The following TRAPPC9 variants were observed in gnomAD, a reference collection of about 807,000 sequenced individuals.
The protein encoded by TRAPPC9 is trafficking protein particle complex subunit 9.
A neutral mutation model predicts 124.0 loss-of-function variants in TRAPPC9; 83 were observed. That is an observed-to-expected ratio of 0.67 (90% CI 0.56 to 0.80). The LOEUF (loss-of-function observed/expected upper bound fraction) is 0.80, where lower values mean the gene tolerates loss of function less well. Among genes scored for constraint, TRAPPC9 ranks in the 30% least tolerant of loss-of-function variants. The pLI is 0.00. For synonymous variants in TRAPPC9, 638 were observed against 617.5 expected, an observed-to-expected ratio of 1.03 and a Z score of -0.49; for missense variants, 1,302 against 1,508.3, an observed-to-expected ratio of 0.86 and a Z score of 2.27.
chr8:140,408,260 A>C (rs1197910113), intron 5 of TRAPPC9, among the ~76,000 whole-genome samples: 1 of 152,170 alleles, frequency 6.6e-6, no homozygotes, highest in Non-Finnish European at 1.5e-5. Flanking sequence ...AGACAAAGAA[A>C]GAGCATGGAT....
In TRAPPC9 at chr8:140,405,587, T is replaced by A; in HGVS notation, c.998A>T (p.Tyr333Phe). The A allele has an allele frequency of 6.2e-7, 1 of 1,614,152 alleles. No homozygotes were observed. The change falls in exon 6 of 23, where the codon TAT becomes TTT. Residue 333 changes from tyrosine to phenylalanine, a missense_variant. Tyr to Phe is a conservative substitution (Grantham distance 22). Around this residue, in one of 3 missense-constraint regions of TRAPPC9, gnomAD observed 657 missense variants for 811.2 expected, o/e 0.81. Coordinates refer to ENST00000438773, the MANE Select transcript of TRAPPC9 (RefSeq NM_001160372.4). ...IIDKYKEAIS[Y>F]YSKYKNAGVI... ...AAGCCATAAAATCACCTTGCTGTAA[T>A]AGGAAATCGCCTCTTTATACTTGTC...
At chr8:140,169,910 G>A (rs751537574) in intron 17 of TRAPPC9, among the ~76,000 whole-genome samples, 1 of 152,024 alleles carries the variant, frequency 6.6e-6, no homozygotes, top group Non-Finnish European at 1.5e-5. Flanking sequence ...GCTAGTTTCT[G>A]CATTTTCTGT....
At chr8:140,199,004 C>T (rs1422732450) in intron 17 of TRAPPC9, among the ~76,000 whole-genome samples, 1 of 152,190 alleles carries the variant, frequency 6.6e-6, no homozygotes. Context: ...ACACCCGGCA[C>T]AGGGCAAGCG....
At chr8:139,970,485 G>A (rs1002293393) in intron 19 of TRAPPC9, among the ~76,000 whole-genome samples, 1 of 152,182 alleles carries the variant, frequency 6.6e-6, no homozygotes, top group African/African-American at 2.4e-5. Flanking sequence ...TGGGAGAAGC[G>A]GGAGCCAGTA....
At chr8:140,125,584 A>ATTTTTTTTTTTT (rs1442863537) in intron 17 of TRAPPC9, among the ~76,000 whole-genome samples, 1 of 108,230 alleles carries the variant, frequency 9.2e-6, no homozygotes, top group African/African-American at 3.9e-5. Context: ...ATCGAATCTC[A>ATTTTTTTTTTTT]TTCTTTTTTT....
chr8:140,002,677 T>C (rs1416802238), intron 18 of TRAPPC9, among the ~76,000 whole-genome samples: 2 of 152,004 alleles, frequency 1.3e-5, no homozygotes, highest in Admixed American at 6.5e-5. Context: ...CAGGACAGCG[T>C]TGTACTGGTG....
At chr8:140,014,437 AAATAAT>A (rs936004259) in intron 18 of TRAPPC9, among the ~76,000 whole-genome samples, 2 of 152,026 alleles carry the variant, frequency 1.3e-5, no homozygotes, top group East Asian at 3.9e-4. Context: ...AGAACAGTAA[AAATAAT>A]AATAATAATA....
chr8:140,244,848 C>G (rs1037262612), intron 16 of TRAPPC9, among the ~76,000 whole-genome samples: 1 of 135,438 alleles, frequency 7.4e-6, no homozygotes, highest in Non-Finnish European at 1.5e-5. Flanking sequence ...CGCTCTGACA[C>G]CAGGCTGGAG....
At chr8:140,202,268 T>C (rs1006104508) in intron 17 of TRAPPC9, among the ~76,000 whole-genome samples, 5 of 151,674 alleles carry the variant, frequency 3.3e-5, no homozygotes, top group Admixed American at 1.3e-4. Flanking sequence ...TTATGACAAG[T>C]GAACAAACAG....
At chr8:139,824,617 G>A (rs1825493591) in intron 21 of TRAPPC9, among the ~76,000 whole-genome samples, 1 of 152,152 alleles carries the variant, frequency 6.6e-6, no homozygotes, top group Non-Finnish European at 1.5e-5. Context: ...CTGGAGTGCA[G>A]TGGTGTGATC....
At chr8:139,974,097 G>C (rs574682825) in intron 19 of TRAPPC9, among the ~76,000 whole-genome samples, 113 of 152,276 alleles carry the variant, frequency 7.4e-4, no homozygotes, top group Non-Finnish European at 1.2e-3. Context: ...GTGAGGAAAG[G>C]AGTTTGAGAT....
intron 21 of TRAPPC9, among the ~76,000 whole-genome samples, chr8:139,833,522 G>GC (rs1446549774): frequency 2.0e-5 from 3 of 152,230 alleles, no homozygotes; most frequent in Non-Finnish European, 4.4e-5. Context: ...GCTGACTTCA[G>GC]AGGTTGGCAG....
At chr8:140,173,560 A>C (rs1438699228) in intron 17 of TRAPPC9, among the ~76,000 whole-genome samples, 5 of 151,856 alleles carry the variant, frequency 3.3e-5, no homozygotes, top group Non-Finnish European at 5.9e-5. Context: ...TCTCAAAAAA[A>C]AAAAAAAAAA....
At chr8:140,452,208 C>G (rs2132712466) in intron 1 of TRAPPC9, among the ~76,000 whole-genome samples, 1 of 151,398 alleles carries the variant, frequency 6.6e-6, no homozygotes, top group Non-Finnish European at 1.5e-5. Context: ...ATCACAAGGT[C>G]AGAAGATCGA....
In TRAPPC9 at chr8:140,031,002, G is replaced by A. The variant is rs112872927; in HGVS notation, c.2557-6923C>T. 1.3e-4 allele frequency among the ~76,000 whole-genome samples: 20 copies of A among 152,286 alleles called. 1 individual carries two copies. The highest frequency in any genetic ancestry group is 4.8e-4 in the African/African-American group (20 of 41,556). On this transcript the variant is annotated intron_variant, in intron 17 of 22. Coordinates refer to ENST00000438773, the MANE Select transcript of TRAPPC9 (RefSeq NM_001160372.4). Reference sequence around the variant, plus strand: ...TTAATGAGGCTACATTTTATAGAATGCAAATTACACTCAGTAAAGTTGATT... The same window carrying A: ...TTAATGAGGCTACATTTTATAGAATACAAATTACACTCAGTAAAGTTGATT...
At chr8:139,766,385 G>GC (rs1291151276) in intron 21 of TRAPPC9, among the ~76,000 whole-genome samples, 2 of 152,192 alleles carry the variant, frequency 1.3e-5, no homozygotes, top group Admixed American at 6.5e-5. Context: ...GCTGGGCCTG[G>GC]CCTCCCTGTG....
At chr8:139,800,155 G>A (rs952758778) in intron 21 of TRAPPC9, among the ~76,000 whole-genome samples, 3 of 152,248 alleles carry the variant, frequency 2.0e-5, no homozygotes, top group Admixed American at 6.5e-5. Flanking sequence ...CCGCTGGGGC[G>A]CCTTTGGCTG....
chr8:140,188,966 C>G (rs1477653431), intron 17 of TRAPPC9, among the ~76,000 whole-genome samples: 1 of 149,212 alleles, frequency 6.7e-6, no homozygotes, highest in Non-Finnish European at 1.5e-5. Context: ...AGCCCTCCTC[C>G]CGTTGTTTCT....
At chr8:140,272,706 C>T (rs773508156) in intron 15 of TRAPPC9, among the ~76,000 whole-genome samples, 2 of 151,934 alleles carry the variant, frequency 1.3e-5, no homozygotes, top group African/African-American at 2.4e-5. Flanking sequence ...GAGGGCAAAG[C>T]GGGAGCAGGC....
Sources: gnomAD v4.1 joint callset for allele counts (sites outside exome capture counted in the v4.1 genomes callset) on GRCh38, gnomAD v4.1.1 for gene constraint, gnomAD v4.1.1 regional missense constraint, MANE v1.5 for transcripts, NCBI Gene and HGNC (gene_info 2026-07-23, HGNC 2026-07-21) for gene names.